The following KIAA2012 variants were observed in gnomAD, a reference collection of about 807,000 sequenced individuals.
KIAA2012 encodes the protein KIAA2012.
In KIAA2012, 125 loss-of-function variants were observed where a neutral mutation model predicts 150.6. The observed-to-expected ratio is 0.83, with a 90% confidence interval of 0.72 to 0.96. KIAA2012 has a LOEUF of 0.96. Ranked by LOEUF, KIAA2012 falls within the 40% of genes least tolerant of loss-of-function variation. The probability of loss-of-function intolerance (pLI) is 0.00; values close to 1 mark genes in which losing one functional copy is unlikely to be tolerated. For missense variants in KIAA2012, 1,219 were observed against 1,354.9 expected (o/e 0.90, Z 1.57); for synonymous variants, 462 against 504.7 (o/e 0.92, Z 1.13).
chr2:202,182,526 A>G (rs1692142801), intron 15 of KIAA2012, among the ~76,000 whole-genome samples: 1 of 152,146 alleles, frequency 6.6e-6, no homozygotes, highest in African/African-American at 2.4e-5. Context: ...GTTGTATTGT[A>G]TTGTATATAT....
intron 10 of KIAA2012, among the ~76,000 whole-genome samples, chr2:202,113,007 G>T (rs1388375055): frequency 3.3e-5 from 5 of 152,146 alleles, no homozygotes. Flanking sequence ...TACAGCTGAA[G>T]GAAGGGACTC....
In KIAA2012 at chr2:202,090,926, G is replaced by A. The variant is rs190636815; in HGVS notation, c.526G>A (p.Ala176Thr). ...PPDAMYRLWC[A>T]GYIKDSVLLQ... Reference sequence around the variant, plus strand: ...AGACGCCATGTATAGGCTCTGGTGCGCAGGTCAGTGGGGAAATGGGAGGGG... The same window carrying A: ...AGACGCCATGTATAGGCTCTGGTGCACAGGTCAGTGGGGAAATGGGAGGGG... The change falls in exon 3 of 24, where the codon GCA (alanine) becomes ACA (threonine). Residue 176 changes from alanine (A) to threonine (T), a missense_variant. Transcript: ENST00000498697. 3.2e-4 allele frequency: 498 copies of A among 1,545,158 alleles called. 2 individuals carry two copies. In the East Asian group the frequency reaches 9.7e-3, roughly 30 times the overall value.
In KIAA2012 at chr2:202,164,924, G is replaced by T. The variant is rs189812214; in HGVS notation, c.2047-360G>T. Among the ~76,000 whole-genome samples the T allele has an allele frequency of 3.4e-3, 512 of 151,890 alleles. 5 individuals carry two copies. Among genetic ancestry groups the T allele is most frequent in the Middle Eastern group, 0.01 (3 of 288 alleles). On this transcript the variant is annotated intron_variant, in intron 14 of 23. Transcript: ENST00000498697. ...GCTTGATGCTGCTGGTGCCAAGCCTGCCTGGCCCTGGCTTTTTCTTTTTTT... is the reference window on the plus strand; with the variant it reads ...GCTTGATGCTGCTGGTGCCAAGCCTTCCTGGCCCTGGCTTTTTCTTTTTTT...
intron 14 of KIAA2012, among the ~76,000 whole-genome samples, chr2:202,155,380 G>A (rs1335219760): frequency 2.0e-5 from 3 of 152,036 alleles, no homozygotes; most frequent in Admixed American, 6.6e-5. Context: ...CCCCAGCATC[G>A]AACACAGTGC....
intron 14 of KIAA2012, among the ~76,000 whole-genome samples, chr2:202,164,475 G>A (rs571322592): frequency 5.3e-5 from 8 of 152,296 alleles, no homozygotes; most frequent in African/African-American, 1.7e-4. Context: ...TGGGAGGAGG[G>A]ATTGCAAGCA....
intron 15 of KIAA2012, among the ~76,000 whole-genome samples, chr2:202,172,298 T>C (rs779719141): frequency 9.2e-5 from 14 of 152,238 alleles, no homozygotes; most frequent in Non-Finnish European, 1.8e-4. Flanking sequence ...AGCCAGTAAG[T>C]GGAGAAGCTG....
Position 202,102,173 on chromosome 2 carries a change from CACACAT to C in KIAA2012, c.1156-762_1156-757del, listed in dbSNP as rs1183894155. ...ACCCCCAGTGAATCTCTCATACACACACACATACACATACACGCACACACACACACA... is the reference window on the plus strand; with the variant it reads ...ACCCCCAGTGAATCTCTCATACACACACACATACACGCACACACACACACA... On this transcript the variant is annotated intron_variant, in intron 7 of 23. Coordinates refer to ENST00000498697, the MANE Select transcript of KIAA2012 (RefSeq NM_001277372.4). Among the ~76,000 whole-genome samples, 7 of 145,762 alleles carry C rather than the reference CACACAT, an allele frequency of 4.8e-5. No individual in the cohort carries two copies. The South Asian group carries it at 1.2e-3, about 26-fold the overall frequency.
Position 202,187,110 on chromosome 2 carries a change from C to T in KIAA2012, c.2376+12C>T. On this transcript the variant is annotated intron_variant, in intron 17 of 23. Coordinates refer to ENST00000498697, the MANE Select transcript of KIAA2012 (RefSeq NM_001277372.4). ...CCAACATCAGTCATGTGAGTGTAAA[C>T]CCCTAAAAGCTTGGTCCAAAAGCCC... 1.3e-6 allele frequency: 2 copies of T among 1,549,306 alleles called. No homozygotes were observed. The highest frequency in any genetic ancestry group is 1.7e-6 in the Non-Finnish European group (2 of 1,146,396).
chr2:202,094,485 CTTTCT>C (rs1689812017), intron 4 of KIAA2012, among the ~76,000 whole-genome samples: 1 of 151,586 alleles, frequency 6.6e-6, no homozygotes, highest in Non-Finnish European at 1.5e-5. Context: ...TTTTCTTTTT[CTTTCT>C]TTTCTTTTTA....
intron 2 of KIAA2012, among the ~76,000 whole-genome samples, chr2:202,079,702 C>T (rs547134032): frequency 1.3e-5 from 2 of 152,282 alleles, no homozygotes; most frequent in East Asian, 1.9e-4. Flanking sequence ...AAATATGTCG[C>T]TTGGTTGGTT....
At chr2:202,142,493 G>A (rs1296579030) in intron 13 of KIAA2012, among the ~76,000 whole-genome samples, 1 of 152,182 alleles carries the variant, frequency 6.6e-6, no homozygotes, top group Non-Finnish European at 1.5e-5. Context: ...AATGATTTTG[G>A]GGAGGTTTAG....
At chr2:202,081,120 C>T (rs1300198765) in intron 2 of KIAA2012, among the ~76,000 whole-genome samples, 1 of 152,232 alleles carries the variant, frequency 6.6e-6, no homozygotes, top group Admixed American at 6.5e-5. Context: ...ACTTGTTTCA[C>T]TTAGCATAAT....
chr2:202,169,909 C>T (rs1691850394), intron 15 of KIAA2012, among the ~76,000 whole-genome samples: 2 of 152,132 alleles, frequency 1.3e-5, no homozygotes. Context: ...TTCCCATAAA[C>T]CAAGGAGGTC....
intron 13 of KIAA2012, among the ~76,000 whole-genome samples, chr2:202,150,837 C>T (rs1352136182): frequency 1.3e-5 from 2 of 152,200 alleles, no homozygotes; most frequent in African/African-American, 4.8e-5. Context: ...TCAGTTCCCC[C>T]ATTTTCCTTC....
intron 2 of KIAA2012, among the ~76,000 whole-genome samples, chr2:202,083,515 C>A (rs984557710): frequency 2.6e-5 from 4 of 152,244 alleles, no homozygotes; most frequent in African/African-American, 9.6e-5. Flanking sequence ...CTGACTCCGG[C>A]AAGACAGACT....
At chr2:202,194,933 T>A (rs1692388486) in intron 21 of KIAA2012, among the ~76,000 whole-genome samples, 1 of 151,880 alleles carries the variant, frequency 6.6e-6, no homozygotes, top group Admixed American at 6.6e-5. Flanking sequence ...CATGCACAGA[T>A]AATTTTTTGT....
At chr2:202,183,434 G>T in intron 15 of KIAA2012, among the ~76,000 whole-genome samples, 2 of 122,482 alleles carry the variant, frequency 1.6e-5, no homozygotes, top group Admixed American at 8.3e-5. Context: ...AAAAAAAAAA[G>T]TTAACATTTG....
At position 202,122,012 on chromosome 2, in the gene KIAA2012, G is replaced by A. The variant is rs542253526; in HGVS notation, c.1763-3202G>A. Among the ~76,000 whole-genome samples, 4 of 152,282 alleles carry A rather than the reference G, an allele frequency of 2.6e-5. No homozygotes were observed. In the East Asian group the frequency reaches 5.8e-4, roughly 22 times the overall value. Reference sequence around the variant, plus strand: ...GGCCAGCCAGCCGAGACACCAGAATGAACAAAAAGAGGAACGTAGAGAACA... The same window carrying A: ...GGCCAGCCAGCCGAGACACCAGAATAAACAAAAAGAGGAACGTAGAGAACA... On this transcript the variant is annotated intron_variant, in intron 11 of 23. Transcript: ENST00000498697.
intron 2 of KIAA2012, among the ~76,000 whole-genome samples, chr2:202,080,328 A>G (rs1268737892): frequency 1.3e-5 from 2 of 152,220 alleles, no homozygotes; most frequent in Non-Finnish European, 2.9e-5. Context: ...ATATGATCCA[A>G]TACACTCCTG....
Sources: allele counts gnomAD v4.1 joint callset (sites outside exome capture counted in the v4.1 genomes callset), GRCh38; gene constraint gnomAD v4.1.1; transcripts MANE v1.5; gene names NCBI Gene and HGNC (gene_info 2026-07-23, HGNC 2026-07-21).